The following ASAP2 variants were observed in gnomAD, a reference collection of about 807,000 sequenced individuals.
The protein encoded by ASAP2 is arf-GAP with SH3 domain, ANK repeat and PH domain-containing protein 2.
In ASAP2, 45 loss-of-function variants were observed where a neutral mutation model predicts 131.4. The ratio of observed to expected loss-of-function variants is 0.34; its 90% CI spans 0.27 to 0.44. ASAP2 has a LOEUF of 0.44. Among genes scored for constraint, ASAP2 ranks in the 20% least tolerant of loss-of-function variants. The probability of loss-of-function intolerance (pLI) is 1.00; values close to 1 mark genes in which losing one functional copy is unlikely to be tolerated. For missense variants in ASAP2, 1,011 were observed against 1,297.0 expected (o/e 0.78, Z 3.39); for synonymous variants, 510 against 503.0 (o/e 1.01, Z -0.19).
chr2:9,213,282 C>T (rs1219257953), intron 1 of ASAP2, among the ~76,000 whole-genome samples: 2 of 151,776 alleles, frequency 1.3e-5, no homozygotes, highest in Admixed American at 6.6e-5. Flanking sequence ...TGCCAATGGG[C>T]GGGATCATGG....
rs150474489 is a variant in ASAP2 at position 9,213,417 on chromosome 2, G to A, written c.126+6187G>A. ...CTTGTCCATCTTGGGGAAGGAATTT[G>A]GATTTTGTTCTAGTGTGATGGGAAG... is the stretch of plus-strand genomic sequence containing the variant. On this transcript the variant is annotated intron_variant, in intron 1 of 27. Transcript: ENST00000281419. Among the ~76,000 whole-genome samples, 7 of 152,300 alleles carry A rather than the reference G, an allele frequency of 4.6e-5. No individual in the cohort carries two copies. The East Asian group carries it at 1.3e-3, about 29-fold the overall frequency.
chr2:9,285,173 T>G (rs1667387114), intron 2 of ASAP2, among the ~76,000 whole-genome samples: 1 of 152,194 alleles, frequency 6.6e-6, no homozygotes, highest in African/African-American at 2.4e-5. Flanking sequence ...TTTGAATCCC[T>G]GCATTAGAGC....
rs1344463118 is a variant in ASAP2, at chr2:9,401,315, T to C, written c.2865T>C (p.Cys955=). ...AGCGGGTGAAAGCGCTCTATAACTGTGTGGCTGACAACCCCGATGAGCTCA... is the reference window on the plus strand; with the variant it reads ...AGCGGGTGAAAGCGCTCTATAACTGCGTGGCTGACAACCCCGATGAGCTCA... The part of the protein sequence containing the change: ...KPKRVKALYN[C]VADNPDELTF... The change falls in exon 27 of 28, where the codon TGT becomes TGC. Residue 955 remains cysteine, a synonymous_variant. Coordinates refer to ENST00000281419, the MANE Select transcript of ASAP2 (RefSeq NM_003887.3). 7.4e-6 allele frequency: 12 copies of C among 1,613,578 alleles called. No individual in the cohort carries two copies. The highest frequency in any genetic ancestry group is 1.0e-5 in the Non-Finnish European group (12 of 1,179,940).
intron 1 of ASAP2, among the ~76,000 whole-genome samples, chr2:9,246,344 G>A (rs1054909041): frequency 6.6e-6 from 1 of 152,096 alleles, no homozygotes; most frequent in African/African-American, 2.4e-5. Flanking sequence ...ACCTAGACTG[G>A]AGTGCAGATC....
intron 1 of ASAP2, among the ~76,000 whole-genome samples, chr2:9,237,811 T>C (rs1400786052): frequency 2.0e-5 from 3 of 152,196 alleles, no homozygotes; most frequent in Non-Finnish European, 2.9e-5. Flanking sequence ...TAGGTGCCCA[T>C]GTTTCTTCTT....
At chr2:9,310,492 G>T (rs1669230016) in intron 3 of ASAP2, among the ~76,000 whole-genome samples, 1 of 152,172 alleles carries the variant, frequency 6.6e-6, no homozygotes, top group Non-Finnish European at 1.5e-5. Flanking sequence ...GTGACCTTTG[G>T]CTGCTCCTTA....
chr2:9,346,490 T>C (rs1671976340), intron 11 of ASAP2, among the ~76,000 whole-genome samples: 1 of 152,046 alleles, frequency 6.6e-6, no homozygotes, highest in African/African-American at 2.4e-5. Context: ...GTATGAGTTC[T>C]GTAGACCAAG....
intron 1 of ASAP2, among the ~76,000 whole-genome samples, chr2:9,239,496 T>C (rs1663791141): frequency 6.6e-6 from 1 of 152,138 alleles, no homozygotes; most frequent in South Asian, 2.1e-4. Context: ...AACAAACTCT[T>C]CTGTAGCCTG....
At chr2:9,284,558 T>C (rs916316746) in intron 2 of ASAP2, among the ~76,000 whole-genome samples, 26 of 152,194 alleles carry the variant, frequency 1.7e-4, no homozygotes, top group Non-Finnish European at 1.9e-4. Flanking sequence ...AATTTCCTCA[T>C]GTGTAAAATG....
chr2:9,363,369 T>A (rs1673236366), intron 15 of ASAP2, among the ~76,000 whole-genome samples: 1 of 152,216 alleles, frequency 6.6e-6, no homozygotes, highest in Admixed American at 6.5e-5. Context: ...CCATTTTCTA[T>A]AATGGTTGTA....
chr2:9,211,693 G>A (rs528483798), intron 1 of ASAP2, among the ~76,000 whole-genome samples: 5 of 152,308 alleles, frequency 3.3e-5, no homozygotes, highest in African/African-American at 9.6e-5. Flanking sequence ...GGTGGGGTGA[G>A]CATCTGGGCC....
chr2:9,231,767 C>T (rs917656345), intron 1 of ASAP2, among the ~76,000 whole-genome samples: 5 of 152,210 alleles, frequency 3.3e-5, no homozygotes, highest in Admixed American at 6.5e-5. Context: ...TGGAGACTCT[C>T]CTCTCTGTGC....
In ASAP2 at chr2:9,298,069, A is replaced by G. The variant is rs539286748; in HGVS notation, c.345+624A>G. The stretch of plus-strand genomic sequence containing the variant: ...CCTCGTGATGGGGACAACATTTTGA[A>G]GAAGTGGGCAGCCCAAGAGGGCTGT... On this transcript the variant is annotated intron_variant, in intron 3 of 27. Coordinates refer to ENST00000281419, the MANE Select transcript of ASAP2 (RefSeq NM_003887.3). 3.9e-5 allele frequency among the ~76,000 whole-genome samples: 6 copies of G among 152,248 alleles called. No homozygotes were observed. In the South Asian group the frequency reaches 1.2e-3, roughly 32 times the overall value.
chr2:9,233,245 T>C (rs986029686), intron 1 of ASAP2, among the ~76,000 whole-genome samples: 1 of 152,210 alleles, frequency 6.6e-6, no homozygotes, highest in Non-Finnish European at 1.5e-5. Context: ...GCCGGGACTT[T>C]GAAGAGTCTA....
intron 3 of ASAP2, among the ~76,000 whole-genome samples, chr2:9,316,813 C>T (rs963242478): frequency 1.3e-4 from 20 of 152,004 alleles, no homozygotes; most frequent in Non-Finnish European, 2.9e-4. Flanking sequence ...CGGTGTGTGT[C>T]CCCACTCTCC....
chr2:9,398,001 G>A lies in ASAP2; in HGVS notation c.2685-2022G>A, dbSNP rs1269836768. ...TCTCGATCTCCTGACCTCATGATCC[G>A]CCCGCCTCGGCCTCCCAAAGTGCTG... On this transcript the variant is annotated intron_variant, in intron 24 of 27. Coordinates refer to ENST00000281419, the MANE Select transcript of ASAP2 (RefSeq NM_003887.3). 3.4e-4 allele frequency among the ~76,000 whole-genome samples: 51 copies of A among 151,054 alleles called. 1 individual carries two copies. The highest frequency in any genetic ancestry group is 6.1e-4 in the Non-Finnish European group (41 of 67,722).
chr2:9,275,086 T>TTTTTTTG (rs1553302076), intron 1 of ASAP2, among the ~76,000 whole-genome samples: 1 of 150,152 alleles, frequency 6.7e-6, no homozygotes, highest in African/African-American at 2.5e-5. Flanking sequence ...TTGTCTGTTT[T>TTTTTTTG]TTTTTTTTTT....
intron 2 of ASAP2, 33 bp from the exon 3 acceptor site, chr2:9,297,267 G>A: frequency 6.2e-7 from 1 of 1,607,256 alleles, no homozygotes; most frequent in Non-Finnish European, 8.5e-7. Context: ...TGGCATGCCT[G>A]AGACTCACAG....
At chr2:9,246,675 GTCA>G (rs1164898431) in intron 1 of ASAP2, among the ~76,000 whole-genome samples, 2 of 152,162 alleles carry the variant, frequency 1.3e-5, no homozygotes, top group African/African-American at 4.8e-5. Flanking sequence ...CTTCAATTTA[GTCA>G]TCTTTACTAC....
Sources: gnomAD v4.1 joint callset for allele counts (sites outside exome capture counted in the v4.1 genomes callset) on GRCh38, gnomAD v4.1.1 for gene constraint, MANE v1.5 for transcripts, NCBI Gene and HGNC (gene_info 2026-07-23, HGNC 2026-07-21) for gene names.